Variants in LYN observed in about 807,000 individuals in gnomAD.
LYN encodes tyrosine-protein kinase Lyn.
Under a neutral mutation model 65.0 loss-of-function variants are expected in LYN, and 12 were observed. The observed-to-expected ratio is 0.18, with a 90% confidence interval of 0.12 to 0.30. LYN has a LOEUF of 0.30. Ranked by LOEUF, LYN falls within the 10% of genes least tolerant of loss-of-function variation. The probability of loss-of-function intolerance (pLI) is 1.00; values close to 1 mark genes in which losing one functional copy is unlikely to be tolerated. For synonymous variants in LYN, 222 were observed against 221.2 expected, an observed-to-expected ratio of 1.00 and a Z score of -0.03; for missense variants, 380 against 623.2, an observed-to-expected ratio of 0.61 and a Z score of 4.16.
At chr8:55,893,556 G>T (rs1805011565) in intron 1 of LYN, 2 of 152,276 alleles carry the variant, frequency 1.3e-5, no homozygotes, top group Admixed American at 1.3e-4. Context: ...TTTGTTGGGG[G>T]TGACAGAGAG....
rs1410026693 is a variant in LYN at position 56,010,270 on chromosome 8, T to G, written c.*160T>G. 6 of 668,232 alleles carry G rather than the reference T, an allele frequency of 9.0e-6. No individual in the cohort carries two copies. The highest frequency in any genetic ancestry group is 1.5e-5 in the Non-Finnish European group (6 of 396,082). The allele number at this position is 668,232 out of a possible 1,614,324, so 41.4% of individuals were successfully genotyped here. ...TTACTCAGGAAGAACACCCTCTAAA[T>G]GGGAAAGTATTCTGTACTCTTAGAT... On this transcript the variant is annotated 3_prime_UTR_variant, in exon 13 of 13. Transcript: ENST00000519728.
rs562756606 is a variant in LYN at position 55,976,476 on chromosome 8, G to A, written c.1050+6683G>A. On this transcript the variant is annotated intron_variant, in intron 10 of 12. Coordinates refer to ENST00000519728, the MANE Select transcript of LYN (RefSeq NM_002350.4). ...TGAGCCCCCTCACCCTCTTGGTGTG[G>A]CCCGCTCCCTTTCACTCACACAGCT... Among the ~76,000 whole-genome samples the A allele has an allele frequency of 3.3e-5, 5 of 152,260 alleles. No homozygotes were observed. In the East Asian group the frequency reaches 9.6e-4, roughly 29 times the overall value.
intron 10 of LYN, among the ~76,000 whole-genome samples, chr8:55,986,745 G>A (rs1402592283): frequency 1.3e-5 from 2 of 152,140 alleles, no homozygotes; most frequent in Non-Finnish European, 2.9e-5. Flanking sequence ...TTATTTTAGA[G>A]ACAGGATCTC....
intron 1 of LYN, among the ~76,000 whole-genome samples, chr8:55,883,650 ACCTCC>A (rs1804707579): frequency 6.6e-6 from 1 of 152,194 alleles, no homozygotes; most frequent in Admixed American, 6.5e-5. Flanking sequence ...AACTTTGCCA[ACCTCC>A]TGGTTGTTTT....
intron 1 of LYN, among the ~76,000 whole-genome samples, chr8:55,934,401 G>T (rs1348295421): frequency 6.6e-6 from 1 of 152,174 alleles, no homozygotes; most frequent in Non-Finnish European, 1.5e-5. Flanking sequence ...GTTTAGGTAG[G>T]TACAGGGTTG....
At chr8:55,928,737 A>T (rs936305091) in intron 1 of LYN, among the ~76,000 whole-genome samples, 7 of 152,222 alleles carry the variant, frequency 4.6e-5, no homozygotes, top group African/African-American at 1.7e-4. Flanking sequence ...TTAGATTTTA[A>T]TGAAGTTCAA....
At chr8:55,978,820 C>T (rs1807835511) in intron 10 of LYN, among the ~76,000 whole-genome samples, 1 of 152,136 alleles carries the variant, frequency 6.6e-6, no homozygotes, top group Non-Finnish European at 1.5e-5. Context: ...TTCTCAGTGA[C>T]ATGGTTTGGG....
intron 3 of LYN, among the ~76,000 whole-genome samples, chr8:55,946,943 A>G (rs1260865844): frequency 6.6e-6 from 1 of 152,188 alleles, no homozygotes; most frequent in Non-Finnish European, 1.5e-5. Flanking sequence ...AGTGAATAAT[A>G]TTTCCTTGTA....
chr8:55,921,358 C>T (rs1805942662), intron 1 of LYN, among the ~76,000 whole-genome samples: 1 of 152,136 alleles, frequency 6.6e-6, no homozygotes, highest in Admixed American at 6.5e-5. Context: ...AGGGTCTGTC[C>T]TCAAGGGGTT....
At chr8:55,957,915 C>T (rs549714856) in intron 8 of LYN, among the ~76,000 whole-genome samples, 1 of 152,154 alleles carries the variant, frequency 6.6e-6, no homozygotes, top group East Asian at 1.9e-4. Flanking sequence ...GCCGCTGTCA[C>T]CAAACTGGGT....
At chr8:55,885,895 C>T (rs1804777222) in intron 1 of LYN, among the ~76,000 whole-genome samples, 1 of 151,928 alleles carries the variant, frequency 6.6e-6, no homozygotes, top group South Asian at 2.1e-4. Flanking sequence ...GCTGCGTTTT[C>T]CTCGGGGTTC....
intron 1 of LYN, chr8:55,902,706 T>A (rs1284538879): frequency 2.1e-6 from 1 of 469,406 alleles, no homozygotes; most frequent in African/African-American, 2.0e-5. Context: ...CTACATATTT[T>A]ACTCATAAGC....
chr8:55,935,685 GC>G (rs747496796), intron 1 of LYN, among the ~76,000 whole-genome samples: 10 of 151,602 alleles, frequency 6.6e-5, no homozygotes, highest in Non-Finnish European at 1.2e-4. Context: ...GGAGGCTGAG[GC>G]AGGAGAATCG....
At chr8:55,899,118 C>A (rs1263425449) in intron 1 of LYN, among the ~76,000 whole-genome samples, 1 of 152,190 alleles carries the variant, frequency 6.6e-6, no homozygotes, top group Non-Finnish European at 1.5e-5. Context: ...GATGCCAGCA[C>A]AGTTACTACC....
intron 6 of LYN, among the ~76,000 whole-genome samples, 190 bp from the exon 7 acceptor site, chr8:55,951,776 A>T (rs1806957367): frequency 6.6e-6 from 1 of 152,234 alleles, no homozygotes; most frequent in Non-Finnish European, 1.5e-5. Flanking sequence ...CAAGCTACAC[A>T]GCAAACAAAA....
In LYN at chr8:55,947,703, G is replaced by T. The variant is rs1272028935; in HGVS notation, c.264G>T (p.Glu88Asp). Reference sequence around the variant, plus strand: ...ACGACTTGTCTTTCAAGAAAGGAGAGAAGATGAAAGTCCTGGAGGAGTAAG... The same window carrying T: ...ACGACTTGTCTTTCAAGAAAGGAGATAAGATGAAAGTCCTGGAGGAGTAAG... The part of the protein sequence containing the change: ...HPDDLSFKKG[E>D]KMKVLEEHGE... The change falls in exon 4 of 13, where the codon GAG (glutamate) becomes GAT (aspartate). Residue 88 changes from glutamate (E) to aspartate (D), a missense_variant. Transcript: ENST00000519728. The T allele has an allele frequency of 1.9e-6, 3 of 1,613,534 alleles. No homozygotes were observed. Among genetic ancestry groups the T allele is most frequent in the African/African-American group, 1.3e-5 (1 of 74,930 alleles).
intron 1 of LYN, among the ~76,000 whole-genome samples, chr8:55,902,359 G>T (rs914800864): frequency 1.4e-5 from 2 of 138,512 alleles, no homozygotes; most frequent in South Asian, 2.2e-4. Flanking sequence ...ATGGAATTTC[G>T]CTCTGTAGCC....
At position 56,013,140 on chromosome 8, in the gene LYN, A is replaced by G. The variant is rs1462101960; in HGVS notation, c.*3030A>G. 1 of 152,300 alleles carries G rather than the reference A, an allele frequency of 6.6e-6. No homozygotes were observed. Among genetic ancestry groups the G allele is most frequent in the East Asian group, 1.9e-4 (1 of 5,196 alleles). 9.4% of individuals were successfully genotyped at this position (152,300 alleles called of 1,614,324 possible). On this transcript the variant is annotated 3_prime_UTR_variant, in exon 13 of 13. Transcript: ENST00000519728. The stretch of plus-strand genomic sequence containing the variant: ...AGCCCTGGCTGTCCCAAGGGTGCAT[A>G]AAAGGATAATAACTAAAAGGAGGGA...
At chr8:55,950,864 G>A in intron 6 of LYN, 80 bp downstream of exon 6, 1 of 996,336 alleles carries the variant, frequency 1.0e-6, no homozygotes, top group Admixed American at 2.0e-5. Context: ...TACTCAAGGG[G>A]AAAAAAGGGC....
Sources: allele counts gnomAD v4.1 joint callset (sites outside exome capture counted in the v4.1 genomes callset), GRCh38; gene constraint gnomAD v4.1.1; transcripts MANE v1.5; gene names NCBI Gene and HGNC (gene_info 2026-07-23, HGNC 2026-07-21).